GBE1: variants seen among roughly 807,000 people sequenced by gnomAD.
GBE1 encodes the protein 1,4-alpha-glucan branching enzyme 1.
Under a neutral mutation model 88.8 loss-of-function variants are expected in GBE1, and 70 were observed. The observed-to-expected ratio is 0.79, with a 90% CI of 0.65 to 0.96. The LOEUF (loss-of-function observed/expected upper bound fraction) is 0.96, where lower values mean the gene tolerates loss of function less well. Ranked by LOEUF, GBE1 falls within the 40% of genes least tolerant of loss-of-function variation. The pLI is 0.00. For synonymous variants in GBE1, 284 were observed against 300.1 expected (o/e 0.95, Z 0.56); for missense variants, 872 against 871.0 (o/e 1.00, Z -0.01).
intron 13 of GBE1, 82 bp downstream of exon 13, chr3:81,536,829 G>C (rs1343413521): frequency 3.8e-6 from 4 of 1,052,378 alleles, no homozygotes; most frequent in Admixed American, 5.3e-5. Context: ...TAAAAGATCT[G>C]CATAGAGATT....
chr3:81,659,986 C>A (rs1705000093), intron 3 of GBE1, among the ~76,000 whole-genome samples: 1 of 152,050 alleles, frequency 6.6e-6, no homozygotes, highest in Non-Finnish European at 1.5e-5. Context: ...TACAAAAAAT[C>A]TGTATTTTGC....
chr3:81,744,918 G>A (rs1271661658), intron 1 of GBE1, among the ~76,000 whole-genome samples: 1 of 152,096 alleles, frequency 6.6e-6, no homozygotes, highest in Non-Finnish European at 1.5e-5. Flanking sequence ...AAATAATTTT[G>A]AGAACTTAAA....
intron 15 of GBE1, among the ~76,000 whole-genome samples, chr3:81,493,015 C>T (rs1265138594): frequency 6.6e-6 from 1 of 152,044 alleles, no homozygotes; most frequent in Non-Finnish European, 1.5e-5. Flanking sequence ...AGATTACAGG[C>T]GTGAACCACC....
At chr3:81,643,776 A>AGTGCTAAGTATACAGTTG (rs2107061293) in intron 6 of GBE1, among the ~76,000 whole-genome samples, 1 of 152,286 alleles carries the variant, frequency 6.6e-6, no homozygotes, top group Admixed American at 6.5e-5. Flanking sequence ...CTAAGTATAC[A>AGTGCTAAGTATACAGTTG]GCAAGTCTCC....
At chr3:81,759,857 G>A (rs1329981374) in intron 1 of GBE1, among the ~76,000 whole-genome samples, 2 of 151,704 alleles carry the variant, frequency 1.3e-5, no homozygotes, top group African/African-American at 4.8e-5. Flanking sequence ...AAAAAAAAAA[G>A]GAAGGGGGTG....
At chr3:81,516,206 C>G (rs766435057) in intron 14 of GBE1, among the ~76,000 whole-genome samples, 54 of 151,612 alleles carry the variant, frequency 3.6e-4, no homozygotes, top group Non-Finnish European at 6.9e-4. Flanking sequence ...CAGGATGACT[C>G]TCTTGTTATG....
intron 14 of GBE1, among the ~76,000 whole-genome samples, chr3:81,515,678 C>T (rs1702788946): frequency 6.6e-6 from 1 of 151,436 alleles, no homozygotes; most frequent in Non-Finnish European, 1.5e-5. Context: ...AGGCTAGGTC[C>T]CTTATGCCAA....
chr3:81,502,885 C>G lies in GBE1; in HGVS notation c.1935-3658G>C, dbSNP rs915813639. On this transcript the variant is annotated intron_variant, in intron 14 of 15. Transcript: ENST00000429644. Reference sequence around the variant, plus strand: ...AAAGCCAATGTATACTTATTTTAAACTACCTTCGTTATATGGTTTCCAATA... The same window carrying G: ...AAAGCCAATGTATACTTATTTTAAAGTACCTTCGTTATATGGTTTCCAATA... Among the ~76,000 whole-genome samples, 4 of 152,120 alleles carry G rather than the reference C, an allele frequency of 2.6e-5. No individual in the cohort carries two copies. In the East Asian group the frequency reaches 5.8e-4, roughly 22 times the overall value.
intron 2 of GBE1, among the ~76,000 whole-genome samples, chr3:81,697,626 C>T (rs2107155986): frequency 6.6e-6 from 1 of 152,278 alleles, no homozygotes; most frequent in East Asian, 1.9e-4. Context: ...TATGCCCTCT[C>T]TGGGCAAGCC....
intron 7 of GBE1, among the ~76,000 whole-genome samples, chr3:81,642,122 TCTC>T (rs1185206235): frequency 6.6e-6 from 1 of 151,878 alleles, no homozygotes; most frequent in Non-Finnish European, 1.5e-5. Context: ...AAAACACTCT[TCTC>T]CTTAAATGGT....
chr3:81,661,809 A>C (rs564806582), intron 3 of GBE1, among the ~76,000 whole-genome samples: 34 of 152,264 alleles, frequency 2.2e-4, no homozygotes, highest in Non-Finnish European at 4.3e-4. Flanking sequence ...TTTTTAAAAA[A>C]TAATAATAAT....
chr3:81,675,509 A>G (rs1294113296), intron 2 of GBE1, among the ~76,000 whole-genome samples: 1 of 152,062 alleles, frequency 6.6e-6, no homozygotes, highest in African/African-American at 2.4e-5. Flanking sequence ...TGAATATACT[A>G]TTATTAGTGT....
At chr3:81,648,780 C>CTTGTAAT in intron 5 of GBE1, 76 bp downstream of exon 5, 1 of 846,820 alleles carries the variant, frequency 1.2e-6, no homozygotes, top group Admixed American at 3.3e-5. Flanking sequence ...AAAAGAGACA[C>CTTGTAAT]TTGTAATTAG....
At chr3:81,518,321 C>T (rs1328800095) in intron 14 of GBE1, among the ~76,000 whole-genome samples, 1 of 150,912 alleles carries the variant, frequency 6.6e-6, no homozygotes, top group East Asian at 2.0e-4. Flanking sequence ...TTGACAGCAC[C>T]GTGATGGCTA....
intron 5 of GBE1, 41 bp from the exon 6 acceptor site, chr3:81,646,523 T>A: frequency 8.9e-7 from 1 of 1,126,526 alleles, no homozygotes. Context: ...AAAGCCACAT[T>A]TAAAAAAAAA....
intron 1 of GBE1, among the ~76,000 whole-genome samples, chr3:81,717,927 TGAAATATAAAA>T (rs1705962688): frequency 6.6e-6 from 1 of 151,850 alleles, no homozygotes; most frequent in South Asian, 2.1e-4. Flanking sequence ...AAACCACTTA[TGAAATATAAAA>T]GACACAGGAA....
chr3:81,554,587 C>A (rs1559643462), intron 12 of GBE1, among the ~76,000 whole-genome samples: 1 of 152,156 alleles, frequency 6.6e-6, no homozygotes, highest in Non-Finnish European at 1.5e-5. Context: ...GGTTAACAAA[C>A]TTCCCTAGTC....
At chr3:81,744,290 C>CTT (rs35707053) in intron 1 of GBE1, among the ~76,000 whole-genome samples, 69,388 of 151,796 alleles carry the variant, frequency 0.46, 17,063 homozygotes, top group East Asian at 0.86. Context: ...CATCAGTACT[C>CTT]TTAAGTTACA....
chr3:81,508,294 T>C (rs1702681388), intron 14 of GBE1, among the ~76,000 whole-genome samples: 1 of 152,168 alleles, frequency 6.6e-6, no homozygotes, highest in African/African-American at 2.4e-5. Flanking sequence ...AATGTCACTG[T>C]TTCTCAATAA....
Sources: allele counts gnomAD v4.1 joint callset (sites outside exome capture counted in the v4.1 genomes callset), GRCh38; gene constraint gnomAD v4.1.1; transcripts MANE v1.5; gene names NCBI Gene and HGNC (gene_info 2026-07-23, HGNC 2026-07-21).